LRRC7: variants seen among roughly 807,000 people sequenced by gnomAD.
LRRC7 encodes the protein leucine-rich repeat-containing protein 7.
Under a neutral mutation model 175.7 loss-of-function variants are expected in LRRC7, and 23 were observed. The ratio of observed to expected loss-of-function variants is 0.13; its 90% confidence interval spans 0.09 to 0.19. LRRC7 has a LOEUF of 0.19. LRRC7 is among the 10% of genes least tolerant of loss of function. The pLI is 1.00. For synonymous variants in LRRC7, 685 were observed against 680.9 expected (o/e 1.01, Z -0.09); for missense variants, 1,354 against 1,904.7 (o/e 0.71, Z 5.38).
chr1:69,720,075 T>G (rs1285337915), intron 2 of LRRC7, among the ~76,000 whole-genome samples: 1 of 151,608 alleles, frequency 6.6e-6, no homozygotes, highest in Non-Finnish European at 1.5e-5. Flanking sequence ...TATTGATATT[T>G]ACTTGGGTTA....
intron 8 of LRRC7, among the ~76,000 whole-genome samples, chr1:69,946,841 G>T (rs756864719): frequency 5.3e-4 from 81 of 152,098 alleles, no homozygotes; most frequent in Non-Finnish European, 7.4e-4. Context: ...ACTTTGGGAG[G>T]CTGAGATGGG....
chr1:69,859,198 T>C (rs1223860714), intron 7 of LRRC7, among the ~76,000 whole-genome samples: 1 of 152,106 alleles, frequency 6.6e-6, no homozygotes, highest in African/African-American at 2.4e-5. Context: ...TTTCACTGAG[T>C]GTGACAAGCT....
intron 10 of LRRC7, among the ~76,000 whole-genome samples, chr1:69,993,468 G>T (rs1359020154): frequency 1.3e-5 from 2 of 152,078 alleles, no homozygotes; most frequent in African/African-American, 4.8e-5. Context: ...ATATGGGCAT[G>T]ATCTATAGCC....
chr1:69,591,618 A>G (rs1245047), intron 1 of LRRC7, among the ~76,000 whole-genome samples: 19,718 of 152,082 alleles, frequency 0.13, 1,628 homozygotes, highest in South Asian at 0.19. Flanking sequence ...ACAGTTTTAC[A>G]TAATCCAATA....
In LRRC7 at chr1:70,128,181, C is replaced by T. The variant is rs1478618468; in HGVS notation, c.*6294C>T. Among the ~76,000 whole-genome samples, 1 of 152,110 alleles carries T rather than the reference C, an allele frequency of 6.6e-6. No homozygotes were observed. Among genetic ancestry groups the T allele is most frequent in the East Asian group, 1.9e-4 (1 of 5,194 alleles). On this transcript the variant is annotated 3_prime_UTR_variant, in exon 27 of 27. Coordinates refer to ENST00000651989, the MANE Select transcript of LRRC7 (RefSeq NM_001370785.2). Reference sequence around the variant, plus strand: ...TTCACCGTGTTGGCCAGGCTGGTCTCGAACACCTGGCCTCAAAAGATCCAC... The same window carrying T: ...TTCACCGTGTTGGCCAGGCTGGTCTTGAACACCTGGCCTCAAAAGATCCAC...
At chr1:69,596,026 C>A (rs1042181706) in intron 1 of LRRC7, among the ~76,000 whole-genome samples, 1 of 121,730 alleles carries the variant, frequency 8.2e-6, no homozygotes, top group East Asian at 2.7e-4. Context: ...TTAAGTGAAT[C>A]TTTTATGCAA....
chr1:70,021,934 A>G (rs1298392518), intron 16 of LRRC7, among the ~76,000 whole-genome samples: 1 of 151,974 alleles, frequency 6.6e-6, no homozygotes, highest in East Asian at 1.9e-4. Context: ...AACAGCTCTC[A>G]CTCTTAGTGA....
At chr1:69,736,363 ATTAT>A (rs768977613) in intron 2 of LRRC7, among the ~76,000 whole-genome samples, 22 of 152,120 alleles carry the variant, frequency 1.4e-4, no homozygotes, top group Non-Finnish European at 1.2e-4. Flanking sequence ...AACAAGGAAT[ATTAT>A]TTATAATTAC....
chr1:69,778,885 C>T (rs983834958), intron 3 of LRRC7, among the ~76,000 whole-genome samples: 3 of 149,300 alleles, frequency 2.0e-5, no homozygotes, highest in Non-Finnish European at 3.0e-5. Context: ...CACACACATA[C>T]ACACACACAC....
chr1:69,719,726 T>C (rs1282773138), intron 2 of LRRC7, among the ~76,000 whole-genome samples: 1 of 151,606 alleles, frequency 6.6e-6, no homozygotes, highest in Non-Finnish European at 1.5e-5. Flanking sequence ...ATATAAATAA[T>C]TCATGTATAT....
chr1:69,978,406 C>T (rs997085197), intron 8 of LRRC7, among the ~76,000 whole-genome samples: 4 of 152,100 alleles, frequency 2.6e-5, no homozygotes, highest in African/African-American at 4.8e-5. Flanking sequence ...GTCTCAAAAC[C>T]TCTGCATATC....
At chr1:69,713,751 T>G (rs1557635665) in intron 2 of LRRC7, among the ~76,000 whole-genome samples, 1 of 151,354 alleles carries the variant, frequency 6.6e-6, no homozygotes, top group African/African-American at 2.4e-5. Context: ...GCATGGCATC[T>G]CGTATGAAAC....
intron 2 of LRRC7, among the ~76,000 whole-genome samples, chr1:69,756,347 G>A (rs1670421130): frequency 6.6e-6 from 1 of 151,712 alleles, no homozygotes; most frequent in South Asian, 2.1e-4. Flanking sequence ...TTTAAAAAAT[G>A]AAGAACTTAT....
At chr1:69,906,184 A>G (rs997758744) in intron 7 of LRRC7, among the ~76,000 whole-genome samples, 8 of 152,116 alleles carry the variant, frequency 5.3e-5, no homozygotes, top group Non-Finnish European at 1.5e-5. Context: ...GTAGGTTGCA[A>G]AATTTTTTCT....
rs555836205 is a variant in LRRC7 at position 70,128,200 on chromosome 1, G to T, written c.*6313G>T. On this transcript the variant is annotated 3_prime_UTR_variant, in exon 27 of 27. Coordinates refer to ENST00000651989, the MANE Select transcript of LRRC7 (RefSeq NM_001370785.2). Reference sequence around the variant, plus strand: ...TGGTCTCGAACACCTGGCCTCAAAAGATCCACCTGCCTCGACCTCCCAAAG... The same window carrying T: ...TGGTCTCGAACACCTGGCCTCAAAATATCCACCTGCCTCGACCTCCCAAAG... Among the ~76,000 whole-genome samples the T allele has an allele frequency of 6.6e-6, 1 of 152,152 alleles. No individual in the cohort carries two copies. The highest frequency in any genetic ancestry group is 2.4e-5 in the African/African-American group (1 of 41,422).
chr1:69,874,576 G>C (rs562711133), intron 7 of LRRC7: 3 of 151,902 alleles, frequency 2.0e-5, no homozygotes, highest in Non-Finnish European at 4.4e-5. Context: ...TTGCACTTAC[G>C]GGCTTTTCCT....
At chr1:70,092,258 G>C (rs1323124532) in intron 25 of LRRC7, among the ~76,000 whole-genome samples, 1 of 152,090 alleles carries the variant, frequency 6.6e-6, no homozygotes, top group African/African-American at 2.4e-5. Context: ...TTTACAGCTG[G>C]AAGTAAGAGG....
intron 1 of LRRC7, among the ~76,000 whole-genome samples, chr1:69,664,340 A>T (rs548213989): frequency 6.6e-6 from 1 of 152,294 alleles, no homozygotes; most frequent in Admixed American, 6.5e-5. Flanking sequence ...AATGCTGGAT[A>T]ATAAAGTAGC....
intron 1 of LRRC7, among the ~76,000 whole-genome samples, chr1:69,673,385 G>T (rs567563212): frequency 6.6e-6 from 1 of 152,290 alleles, no homozygotes; most frequent in African/African-American, 2.4e-5. Context: ...TGAACACGTA[G>T]GCTGCACTTT....
Sources: allele counts gnomAD v4.1 joint callset (sites outside exome capture counted in the v4.1 genomes callset), GRCh38; gene constraint gnomAD v4.1.1; transcripts MANE v1.5; gene names NCBI Gene and HGNC (gene_info 2026-07-23, HGNC 2026-07-21).